Variants in TRHDE observed in about 807,000 individuals in gnomAD.
The protein encoded by TRHDE is thyrotropin releasing hormone degrading enzyme.
A neutral mutation model predicts 125.7 loss-of-function variants in TRHDE; 72 were observed. That is an observed-to-expected ratio of 0.57 (90% CI 0.47 to 0.70). TRHDE has a LOEUF of 0.70. Among genes scored for constraint, TRHDE ranks in the 30% least tolerant of loss-of-function variants. TRHDE has a pLI of 0.00. For missense variants in TRHDE, 1,110 were observed against 1,327.1 expected, an observed-to-expected ratio of 0.84 and a Z score of 2.54; for synonymous variants, 509 against 509.1, an observed-to-expected ratio of 1.00 and a Z score of 0.00.
chr12:72,364,365 A>T (rs543735066), intron 2 of TRHDE, among the ~76,000 whole-genome samples: 1 of 152,106 alleles, frequency 6.6e-6, no homozygotes, highest in African/African-American at 2.4e-5. Context: ...ATACCTTCTG[A>T]GTGATGCTTT....
At chr12:72,587,387 A>G (rs933950207) in intron 12 of TRHDE, among the ~76,000 whole-genome samples, 1 of 152,126 alleles carries the variant, frequency 6.6e-6, no homozygotes, top group African/African-American at 2.4e-5. Context: ...GGTTATTTCA[A>G]TAAATTAGGT....
chr12:72,099,010 C>T (rs955708296), intron 1 of TRHDE, among the ~76,000 whole-genome samples: 2 of 152,006 alleles, frequency 1.3e-5, no homozygotes, highest in African/African-American at 2.4e-5. Context: ...ATTAAAACTA[C>T]AAAAATTTGC....
At chr12:72,227,271 G>T (rs959650781) in intron 2 of TRHDE, among the ~76,000 whole-genome samples, 2 of 152,156 alleles carry the variant, frequency 1.3e-5, no homozygotes. Context: ...TGGACTCATA[G>T]TTCCACATGG....
chr12:72,208,496 T>C (rs1877713791), intron 2 of TRHDE, among the ~76,000 whole-genome samples: 1 of 152,132 alleles, frequency 6.6e-6, no homozygotes, highest in African/African-American at 2.4e-5. Flanking sequence ...TTGCAGCCTC[T>C]TGGAAAGTAA....
At chr12:72,501,952 A>C (rs1033189041) in intron 6 of TRHDE, among the ~76,000 whole-genome samples, 2 of 152,128 alleles carry the variant, frequency 1.3e-5, no homozygotes, top group African/African-American at 4.8e-5. Flanking sequence ...TACTTTATTG[A>C]CATAAAGTTT....
chr12:72,254,996 C>T (rs950373854), intron 2 of TRHDE: 3 of 152,238 alleles, frequency 2.0e-5, no homozygotes, highest in Non-Finnish European at 4.4e-5. Context: ...CACTCTTGAA[C>T]CTTCTTCAGT....
At chr12:72,330,330 TAA>T (rs58828483) in intron 2 of TRHDE, among the ~76,000 whole-genome samples, 1 of 137,442 alleles carries the variant, frequency 7.3e-6, no homozygotes, top group Non-Finnish European at 1.6e-5. Context: ...CAAAGAAAAG[TAA>T]AAAAAAAAAA....
intron 6 of TRHDE, among the ~76,000 whole-genome samples, chr12:72,522,759 T>C (rs1488711643): frequency 6.6e-6 from 1 of 152,178 alleles, no homozygotes; most frequent in African/African-American, 2.4e-5. Context: ...AATCCCTTTT[T>C]CTGGTGTCCT....
intron 2 of TRHDE, among the ~76,000 whole-genome samples, chr12:72,120,721 C>T (rs1209493401): frequency 6.8e-6 from 1 of 146,456 alleles, no homozygotes; most frequent in African/African-American, 2.6e-5. Context: ...GCTCTGTTGC[C>T]AGGCTGGAAT....
At chr12:72,120,720 C>T (rs1875559816) in intron 2 of TRHDE, among the ~76,000 whole-genome samples, 1 of 138,868 alleles carries the variant, frequency 7.2e-6, no homozygotes, top group Non-Finnish European at 1.5e-5. Context: ...TGCTCTGTTG[C>T]CAGGCTGGAA....
At chr12:72,621,289 A>G (rs959134781) in intron 14 of TRHDE, 84 bp downstream of exon 14, 2 of 873,952 alleles carry the variant, frequency 2.3e-6, no homozygotes, top group Non-Finnish European at 1.9e-6. Context: ...CTTTAGCTGC[A>G]TGAGACAATC....
chr12:72,510,251 AATAG>A (rs1878529246), intron 6 of TRHDE, among the ~76,000 whole-genome samples: 1 of 152,214 alleles, frequency 6.6e-6, no homozygotes, highest in Admixed American at 6.5e-5. Flanking sequence ...AAATGAATAT[AATAG>A]ATCACTATTT....
intron 2 of TRHDE, among the ~76,000 whole-genome samples, chr12:72,295,947 T>G (rs941649398): frequency 6.6e-6 from 1 of 152,212 alleles, no homozygotes; most frequent in African/African-American, 2.4e-5. Flanking sequence ...AAGTAGAGGC[T>G]TCCTTCCTAC....
At chr12:72,095,529 C>T (rs1005010884) in intron 1 of TRHDE, among the ~76,000 whole-genome samples, 1 of 152,184 alleles carries the variant, frequency 6.6e-6, no homozygotes, top group Middle Eastern at 3.2e-3. Context: ...AGCTTGATGA[C>T]ATGACTTGGT....
At chr12:72,215,419 G>A (rs183399506) in intron 2 of TRHDE, among the ~76,000 whole-genome samples, 69 of 152,292 alleles carry the variant, frequency 4.5e-4, no homozygotes, top group Admixed American at 1.2e-3. Flanking sequence ...AGGTCACAGG[G>A]GATGCGATGG....
chr12:72,195,582 T>C lies in TRHDE; in HGVS notation n.279+89830T>C, dbSNP rs180698222. On this transcript the variant is annotated intron_variant and non_coding_transcript_variant, in intron 2 of 4. Coordinates refer to the TRHDE transcript ENST00000548156. ...GTCTGTTCATGTCTTTTGACCATTTTTCAATGAGGTTGTTTGTTTTTTGCT... is the reference window on the plus strand; with the variant it reads ...GTCTGTTCATGTCTTTTGACCATTTCTCAATGAGGTTGTTTGTTTTTTGCT... Among the ~76,000 whole-genome samples, 379 of 152,252 alleles carry C rather than the reference T, an allele frequency of 2.5e-3. 5 individuals are homozygous for C. Among genetic ancestry groups the C allele is most frequent in the African/African-American group, 8.5e-3 (354 of 41,550 alleles).
intron 3 of TRHDE, among the ~76,000 whole-genome samples, chr12:72,400,506 C>CTATA (rs1872996759): frequency 6.6e-6 from 1 of 152,092 alleles, no homozygotes; most frequent in East Asian, 1.9e-4. Context: ...CAGTTATGCA[C>CTATA]TGAGGGAGCT....
At chr12:72,147,552 C>G (rs1268334582) in intron 2 of TRHDE, 1 of 152,180 alleles carries the variant, frequency 6.6e-6, no homozygotes, top group Non-Finnish European at 1.5e-5. Context: ...ATAACAGCAT[C>G]TACTTATCAG....
At chr12:72,156,155 G>A (rs1876501443) in intron 2 of TRHDE, among the ~76,000 whole-genome samples, 1 of 152,160 alleles carries the variant, frequency 6.6e-6, no homozygotes, top group South Asian at 2.1e-4. Context: ...TGCTGTGCTA[G>A]CAATAAGCAA....
Sources: allele counts gnomAD v4.1 joint callset (sites outside exome capture counted in the v4.1 genomes callset), GRCh38; gene constraint gnomAD v4.1.1; transcripts MANE v1.5; gene names NCBI Gene and HGNC (gene_info 2026-07-23, HGNC 2026-07-21).